Variants in ADAMTSL1 observed in about 807,000 individuals in gnomAD.
The protein encoded by ADAMTSL1 is ADAMTS like 1.
Under a neutral mutation model 201.8 loss-of-function variants are expected in ADAMTSL1, and 126 were observed. The ratio of observed to expected loss-of-function variants is 0.62; its 90% CI spans 0.54 to 0.72. The LOEUF (loss-of-function observed/expected upper bound fraction) is 0.72, where lower values mean the gene tolerates loss of function less well. Among genes scored for constraint, ADAMTSL1 ranks in the 30% least tolerant of loss-of-function variants. The pLI is 0.00. For synonymous variants in ADAMTSL1, 1,121 were observed against 903.4 expected, an observed-to-expected ratio of 1.24 and a Z score of -4.32; for missense variants, 2,679 against 2,277.8, an observed-to-expected ratio of 1.18 and a Z score of -3.59.
chr9:18,212,563 A>T (rs545460883), intron 2 of ADAMTSL1, among the ~76,000 whole-genome samples: 1 of 152,310 alleles, frequency 6.6e-6, no homozygotes, highest in African/African-American at 2.4e-5. Context: ...TAGTTTTAAA[A>T]GTTGTTGTTG....
intron 1 of ADAMTSL1, among the ~76,000 whole-genome samples, chr9:18,159,835 TA>T (rs1827308857): frequency 6.6e-6 from 1 of 152,072 alleles, no homozygotes; most frequent in Non-Finnish European, 1.5e-5. Context: ...ATAAAATGTA[TA>T]TTGCAGACAT....
In ADAMTSL1 at chr9:18,127,386, A is replaced by G. The variant is rs374359560; in HGVS notation, c.88-36476A>G. Reference sequence around the variant, plus strand: ...TATGGGTGTGGGCATACGTGAATGGAGTGGGAGTGGATTGGAGAAAAAATT... The same window carrying G: ...TATGGGTGTGGGCATACGTGAATGGGGTGGGAGTGGATTGGAGAAAAAATT... On this transcript the variant is annotated intron_variant, in intron 1 of 29. Transcript: ENST00000680146. Among the ~76,000 whole-genome samples the G allele has an allele frequency of 3.9e-5, 6 of 152,122 alleles. No homozygotes were observed. The East Asian group carries it at 7.7e-4, about 20-fold the overall frequency.
intron 26 of ADAMTSL1, among the ~76,000 whole-genome samples, chr9:18,903,554 C>T (rs1830125714): frequency 6.6e-6 from 1 of 152,066 alleles, no homozygotes; most frequent in Non-Finnish European, 1.5e-5. Context: ...TTGTGGGGCC[C>T]AGTGCAAAAT....
At chr9:18,151,152 A>G (rs1237682988) in intron 1 of ADAMTSL1, among the ~76,000 whole-genome samples, 2 of 152,056 alleles carry the variant, frequency 1.3e-5, no homozygotes, top group African/African-American at 4.8e-5. Context: ...GTTATCCATC[A>G]TCTGTGACCT....
intron 5 of ADAMTSL1, 46 bp from the exon 6 acceptor site, chr9:18,635,897 T>A: frequency 6.6e-7 from 1 of 1,523,750 alleles, no homozygotes; most frequent in Non-Finnish European, 9.0e-7. Context: ...TCAATAATTT[T>A]GTGTCAAGTG....
intron 23 of ADAMTSL1, among the ~76,000 whole-genome samples, chr9:18,874,231 T>C (rs111548459): frequency 2.6e-4 from 39 of 152,234 alleles, no homozygotes; most frequent in African/African-American, 8.7e-4. Context: ...GATTATATCA[T>C]TGGTGAACAG....
chr9:18,850,350 T>C (rs1826412625), intron 23 of ADAMTSL1, among the ~76,000 whole-genome samples: 1 of 152,218 alleles, frequency 6.6e-6, no homozygotes. Flanking sequence ...CAATAAATCC[T>C]TCCTCAGCCC....
intron 2 of ADAMTSL1, among the ~76,000 whole-genome samples, chr9:18,256,371 G>C (rs1018447127): frequency 6.6e-6 from 1 of 152,158 alleles, no homozygotes; most frequent in Non-Finnish European, 1.5e-5. Flanking sequence ...TTGAACTCCT[G>C]ACAGGGTTTC....
chr9:18,070,654 T>C (rs1015357756), intron 1 of ADAMTSL1, among the ~76,000 whole-genome samples: 1 of 152,106 alleles, frequency 6.6e-6, no homozygotes, highest in Non-Finnish European at 1.5e-5. Context: ...GAAGATAAAA[T>C]CTTGGGAAAT....
At chr9:18,654,449 G>A (rs1198857632) in intron 7 of ADAMTSL1, among the ~76,000 whole-genome samples, 2 of 152,154 alleles carry the variant, frequency 1.3e-5, no homozygotes, top group African/African-American at 4.8e-5. Flanking sequence ...GTTCATTCAT[G>A]CATTCGTTTA....
intron 23 of ADAMTSL1, among the ~76,000 whole-genome samples, chr9:18,884,341 C>A (rs74305630): frequency 6.6e-6 from 1 of 152,112 alleles, no homozygotes; most frequent in Non-Finnish European, 1.5e-5. Flanking sequence ...CTATGATTTG[C>A]AAATATTTTC....
intron 21 of ADAMTSL1, 55 bp downstream of exon 21, chr9:18,817,292 G>C: frequency 6.6e-7 from 1 of 1,512,540 alleles, no homozygotes. Context: ...TGCTAGGTTG[G>C]GGATACAAAG....
chr9:18,603,909 A>T (rs937899271), intron 4 of ADAMTSL1, among the ~76,000 whole-genome samples: 2 of 152,242 alleles, frequency 1.3e-5, no homozygotes, highest in African/African-American at 4.8e-5. Flanking sequence ...AAAAGACAGT[A>T]CAGAGACAAA....
At chr9:18,659,152 T>C (rs762205947) in intron 8 of ADAMTSL1, among the ~76,000 whole-genome samples, 1 of 152,238 alleles carries the variant, frequency 6.6e-6, no homozygotes, top group African/African-American at 2.4e-5. Flanking sequence ...AAATAGCTAA[T>C]CCACAGAAGT....
intron 19 of ADAMTSL1, 131 bp downstream of exon 19, chr9:18,778,037 T>C: frequency 1.7e-6 from 2 of 1,166,936 alleles, no homozygotes; most frequent in Non-Finnish European, 2.4e-6. Flanking sequence ...GACCCCATCA[T>C]GGGGTGCAGG....
chr9:18,099,783 T>A (rs749725766), intron 1 of ADAMTSL1, among the ~76,000 whole-genome samples: 13 of 151,614 alleles, frequency 8.6e-5, no homozygotes, highest in African/African-American at 1.2e-4. Context: ...CCCGCCAACA[T>A]GCCTGGCTAA....
At chr9:17,909,010 A>G (rs1825830715) in intron 1 of ADAMTSL1, among the ~76,000 whole-genome samples, 2 of 150,468 alleles carry the variant, frequency 1.3e-5, no homozygotes, top group African/African-American at 2.4e-5. Context: ...AATGATTGCC[A>G]TTCTAACTGG....
chr9:18,423,624 T>G (rs1055127338), intron 2 of ADAMTSL1, among the ~76,000 whole-genome samples: 22 of 152,126 alleles, frequency 1.4e-4, no homozygotes, highest in Admixed American at 9.2e-4. Context: ...GTAAGAAACA[T>G]AAAGAAAGCA....
chr9:18,079,466 C>T (rs1410324801), intron 1 of ADAMTSL1, among the ~76,000 whole-genome samples: 2 of 151,916 alleles, frequency 1.3e-5, no homozygotes, highest in Non-Finnish European at 2.9e-5. Context: ...ATCACGAGGT[C>T]AGGAGACAGA....
Sources: gnomAD v4.1 joint callset for allele counts (sites outside exome capture counted in the v4.1 genomes callset) on GRCh38, gnomAD v4.1.1 for gene constraint, MANE v1.5 for transcripts, NCBI Gene and HGNC (gene_info 2026-07-23, HGNC 2026-07-21) for gene names.